The following CDH18 variants were observed in gnomAD, a reference collection of about 807,000 sequenced individuals.
The protein encoded by CDH18 is cadherin 18, also known as cadherin-18.
A neutral mutation model predicts 67.9 loss-of-function variants in CDH18; 31 were observed. The observed-to-expected ratio is 0.46, with a 90% CI of 0.34 to 0.62. The LOEUF is 0.62. Ranked by LOEUF, CDH18 falls within the 20% of genes least tolerant of loss-of-function variation. The pLI is 0.01. For missense variants in CDH18, 890 were observed against 975.5 expected, an observed-to-expected ratio of 0.91 and a Z score of 1.17; for synonymous variants, 362 against 347.2, an observed-to-expected ratio of 1.04 and a Z score of -0.48.
intron 1 of CDH18, among the ~76,000 whole-genome samples, chr5:20,544,604 T>C (rs1757237165): frequency 1.3e-5 from 2 of 152,038 alleles, no homozygotes; most frequent in Non-Finnish European, 2.9e-5. Flanking sequence ...AGTGCCACAC[T>C]TTTAAAACCA....
intron 3 of CDH18, among the ~76,000 whole-genome samples, chr5:19,750,925 A>T (rs1472355444): frequency 6.6e-6 from 1 of 152,096 alleles, no homozygotes; most frequent in Admixed American, 6.6e-5. Flanking sequence ...AAGCAAGAAG[A>T]GATAGTCTTT....
chr5:19,960,774 C>T (rs1409168277), intron 2 of CDH18, among the ~76,000 whole-genome samples: 1 of 135,416 alleles, frequency 7.4e-6, no homozygotes, highest in African/African-American at 3.4e-5. Flanking sequence ...TGTATATATA[C>T]ACGTGTATAT....
At chr5:20,537,016 T>C (rs1365191276) in intron 1 of CDH18, among the ~76,000 whole-genome samples, 1 of 152,134 alleles carries the variant, frequency 6.6e-6, no homozygotes, top group African/African-American at 2.4e-5. Flanking sequence ...GGTGGACTTG[T>C]GTCCTGCCTA....
At chr5:20,526,909 C>G (rs774554404) in intron 1 of CDH18, among the ~76,000 whole-genome samples, 7 of 152,042 alleles carry the variant, frequency 4.6e-5, no homozygotes, top group Admixed American at 1.3e-4. Context: ...GGGCACAGAA[C>G]TGGGCTGAAG....
intron 2 of CDH18, among the ~76,000 whole-genome samples, chr5:19,945,125 T>G (rs1201153983): frequency 6.6e-6 from 1 of 151,996 alleles, no homozygotes. Flanking sequence ...CATCTAGAGG[T>G]GTATGGATAT....
At chr5:20,196,931 C>T (rs1739028245) in intron 2 of CDH18, among the ~76,000 whole-genome samples, 1 of 152,110 alleles carries the variant, frequency 6.6e-6, no homozygotes, top group South Asian at 2.1e-4. Context: ...TAAGTGAATG[C>T]CATTGGCCTG....
At chr5:20,143,408 C>T (rs879681752) in intron 2 of CDH18, among the ~76,000 whole-genome samples, 49 of 152,016 alleles carry the variant, frequency 3.2e-4, no homozygotes, top group Admixed American at 1.6e-3. Context: ...TGCTTTGTTG[C>T]CCAGGCTGGA....
intron 1 of CDH18, among the ~76,000 whole-genome samples, chr5:20,311,777 A>T (rs1737018449): frequency 6.6e-6 from 1 of 152,202 alleles, no homozygotes; most frequent in Non-Finnish European, 1.5e-5. Flanking sequence ...CATGTACCCC[A>T]GAACTTAAAG....
At chr5:19,643,662 A>G (rs1045393011) in intron 5 of CDH18, among the ~76,000 whole-genome samples, 5 of 152,272 alleles carry the variant, frequency 3.3e-5, no homozygotes, top group African/African-American at 1.2e-4. Flanking sequence ...GACGGTTACT[A>G]GTGGCTGTTC....
At chr5:20,411,957 C>A (rs529254483) in intron 1 of CDH18, among the ~76,000 whole-genome samples, 1 of 152,246 alleles carries the variant, frequency 6.6e-6, no homozygotes, top group Non-Finnish European at 1.5e-5. Context: ...AGTCATACTG[C>A]TGAAAGCAAT....
chr5:19,796,875 C>T (rs1776912963), intron 3 of CDH18, among the ~76,000 whole-genome samples: 1 of 151,678 alleles, frequency 6.6e-6, no homozygotes, highest in African/African-American at 2.4e-5. Context: ...CCTAAAGCAA[C>T]CACAGTGAGA....
chr5:19,506,389 A>T (rs557161704), intron 10 of CDH18, among the ~76,000 whole-genome samples: 1 of 152,330 alleles, frequency 6.6e-6, no homozygotes, highest in Non-Finnish European at 1.5e-5. Flanking sequence ...GACTTTCTTC[A>T]CAGAATTGGA....
chr5:19,852,308 T>A (rs1290744359), intron 2 of CDH18, among the ~76,000 whole-genome samples: 1 of 152,062 alleles, frequency 6.6e-6, no homozygotes, highest in African/African-American at 2.4e-5. Context: ...AACTGCTCAG[T>A]ATGAATAACT....
At chr5:20,494,190 C>T (rs1753767373) in intron 1 of CDH18, among the ~76,000 whole-genome samples, 1 of 152,038 alleles carries the variant, frequency 6.6e-6, no homozygotes, top group Admixed American at 6.6e-5. Flanking sequence ...TAGACAAATA[C>T]TCTAAATAGT....
At chr5:19,854,944 G>T (rs72740847) in intron 2 of CDH18, among the ~76,000 whole-genome samples, 41,672 of 136,728 alleles carry the variant, frequency 0.3, 7,253 homozygotes, top group South Asian at 0.4. Context: ...GTTCAGTTTT[G>T]TTTTTTTTTT....
chr5:19,501,920 G>T (rs1743319608), intron 11 of CDH18, among the ~76,000 whole-genome samples: 1 of 152,132 alleles, frequency 6.6e-6, no homozygotes, highest in Admixed American at 6.6e-5. Context: ...TCAGTTAAAT[G>T]CAATTTGTCA....
chr5:20,242,608 A>T (rs1561905795), intron 2 of CDH18, among the ~76,000 whole-genome samples: 626 of 16,256 alleles, frequency 0.039, 74 homozygotes, highest in African/African-American at 0.17. Context: ...AAAAAAAAAA[A>T]AAAATATATA....
intron 9 of CDH18, among the ~76,000 whole-genome samples, chr5:19,527,537 C>G (rs900896209): frequency 3.3e-5 from 5 of 151,390 alleles, no homozygotes; most frequent in Non-Finnish European, 7.4e-5. Context: ...TAATAAATTA[C>G]TCCTCAAATA....
In CDH18 at chr5:20,486,854, C is replaced by T. The variant is rs535256145; in HGVS notation, c.-580+88608G>A. ...CTTTTGTAGCTAAGGGGCTGGAAAACTATTGCCTAAGTTCTATACTCAGAT... is the reference window on the plus strand; with the variant it reads ...CTTTTGTAGCTAAGGGGCTGGAAAATTATTGCCTAAGTTCTATACTCAGAT... On this transcript the variant is annotated intron_variant, in intron 1 of 14. Coordinates refer to the CDH18 transcript ENST00000507958. 2.4e-4 allele frequency among the ~76,000 whole-genome samples: 37 copies of T among 152,112 alleles called. 2 individuals are homozygous for T. In the South Asian group the frequency reaches 5.8e-3, roughly 24 times the overall value.
Sources: allele counts gnomAD v4.1 joint callset (sites outside exome capture counted in the v4.1 genomes callset), GRCh38; gene constraint gnomAD v4.1.1; transcripts MANE v1.5; gene names NCBI Gene and HGNC (gene_info 2026-07-23, HGNC 2026-07-21).